Variants in ZC3HAV1 observed in about 807,000 individuals in gnomAD.
ZC3HAV1 encodes zinc finger CCCH-type antiviral protein 1.
ZC3HAV1 carries 41 observed loss-of-function variants against 86.6 expected under a neutral mutation model. That is an observed-to-expected ratio of 0.47 (90% confidence interval 0.37 to 0.61). ZC3HAV1 has a LOEUF of 0.61. Ranked by LOEUF, ZC3HAV1 falls within the 20% of genes least tolerant of loss-of-function variation. The pLI, the probability that ZC3HAV1 is intolerant of heterozygous loss-of-function variation, is 0.00. For missense variants in ZC3HAV1, 964 were observed against 1,141.1 expected, an observed-to-expected ratio of 0.84 and a Z score of 2.24; for synonymous variants, 421 against 432.1, an observed-to-expected ratio of 0.97 and a Z score of 0.32.
At chr7:139,052,882 T>C (rs1194159999) in intron 12 of ZC3HAV1, among the ~76,000 whole-genome samples, 5 of 151,366 alleles carry the variant, frequency 3.3e-5, no homozygotes, top group Non-Finnish European at 7.4e-5. Flanking sequence ...TGAGCCGAGA[T>C]TGTCACCCAA....
At chr7:139,087,674 G>A (rs1237734410) in intron 2 of ZC3HAV1, among the ~76,000 whole-genome samples, 1 of 152,064 alleles carries the variant, frequency 6.6e-6, no homozygotes, top group Non-Finnish European at 1.5e-5. Flanking sequence ...AACACACTGA[G>A]TTCAGAGTCA....
intron 1 of ZC3HAV1, 75 bp from the exon 2 acceptor site, chr7:139,089,834 T>G: frequency 6.7e-7 from 1 of 1,493,778 alleles, no homozygotes; most frequent in Non-Finnish European, 8.9e-7. Flanking sequence ...CATAAAACTT[T>G]CAGTCTGCAA....
rs370576444 is a variant in ZC3HAV1 at position 139,054,016 on chromosome 7, A to G, written c.2267T>C (p.Ile756Thr). ...GTTCTCGATCTTCTTTATCTTTTCA[A>G]TCTTGAAATTTTTCATGGAAGCTTT... ...HFKASMKNFKIEKIKKIENSE... is the reference protein window; with the variant it reads ...HFKASMKNFKTEKIKKIENSE... The change falls in exon 11 of 13, where the codon ATT (isoleucine) becomes ACT (threonine). Residue 756 changes from isoleucine to threonine, a missense_variant. By Grantham distance (89) the Ile-to-Thr change is moderately conservative. Transcript: ENST00000242351. The G allele has an allele frequency of 6.2e-7, 1 of 1,608,662 alleles. No homozygotes were observed.
chr7:139,097,414 A>ATTTTTTTTTT (rs1214039926), intron 1 of ZC3HAV1, among the ~76,000 whole-genome samples: 3 of 75,598 alleles, frequency 4.0e-5, no homozygotes, highest in East Asian at 4.5e-4. Flanking sequence ...ATATATATAT[A>ATTTTTTTTTT]TATATATATA....
chr7:139,102,382 G>A (rs529916918), intron 1 of ZC3HAV1, among the ~76,000 whole-genome samples: 3 of 151,960 alleles, frequency 2.0e-5, no homozygotes, highest in South Asian at 2.1e-4. Flanking sequence ...CTCCCACCTC[G>A]GCCTCTTGAA....
Position 139,109,126 on chromosome 7 carries a change from C to A in ZC3HAV1, c.206G>T (p.Arg69Leu). Residue 69 changes from arginine (R) to leucine (L), a missense_variant, in exon 1 of 13, where the codon CGA becomes CTA. Physicochemically the swap from Arg to Leu is moderately radical, Grantham distance 102. Coordinates refer to ENST00000242351, the MANE Select transcript of ZC3HAV1 (RefSeq NM_020119.4). ...GTACTTGCGACGGCAGACCCGGGCTCGAGTGGTGGCCACCACCGATCGGGT... is the reference window on the plus strand; with the variant it reads ...GTACTTGCGACGGCAGACCCGGGCTAGAGTGGTGGCCACCACCGATCGGGT... ...GITRSVVATT[R>L]ARVCRRKYCQ... 1 of 1,591,224 alleles carries A rather than the reference C, an allele frequency of 6.3e-7. No individual in the cohort carries two copies. The highest frequency in any genetic ancestry group is 8.6e-7 in the Non-Finnish European group (1 of 1,168,862).
intron 1 of ZC3HAV1, among the ~76,000 whole-genome samples, chr7:139,099,595 G>C (rs900784541): frequency 6.6e-6 from 1 of 152,198 alleles, no homozygotes; most frequent in Non-Finnish European, 1.5e-5. Context: ...TGATGAAAAT[G>C]TTCTGGAATT....
At chr7:139,057,006 A>C (rs1816303717) in intron 9 of ZC3HAV1, among the ~76,000 whole-genome samples, 1 of 152,186 alleles carries the variant, frequency 6.6e-6, no homozygotes, top group Non-Finnish European at 1.5e-5. Flanking sequence ...ATATATATAC[A>C]GGGAAATGAT....
chr7:139,064,630 T>C lies in ZC3HAV1; in HGVS notation c.1993+249A>G, dbSNP rs186416541. On this transcript the variant is annotated intron_variant, in intron 8 of 12. Transcript: ENST00000242351. ...AAGACTACTTAGTTTGAGCCCCTGA[T>C]TTTGCAGTTGAGAGAAGTGGGCCTA... Among the ~76,000 whole-genome samples the C allele has an allele frequency of 7.9e-5, 12 of 152,196 alleles. No homozygotes were observed. The East Asian group carries it at 2.1e-3, about 27-fold the overall frequency.
chr7:139,053,108 G>A (rs966486202), intron 12 of ZC3HAV1, among the ~76,000 whole-genome samples: 1 of 152,092 alleles, frequency 6.6e-6, no homozygotes, highest in Non-Finnish European at 1.5e-5. Context: ...ATATAGCTTC[G>A]CAGGCATGGA....
chr7:139,049,141 T>TCA (rs559718504), intron 12 of ZC3HAV1, among the ~76,000 whole-genome samples: 1 of 104,514 alleles, frequency 9.6e-6, no homozygotes, highest in African/African-American at 3.7e-5. Context: ...TTTTTTTTTT[T>TCA]TTCGTTGTTG....
intron 12 of ZC3HAV1, among the ~76,000 whole-genome samples, chr7:139,053,202 A>G (rs1160736613): frequency 1.3e-5 from 2 of 152,218 alleles, no homozygotes; most frequent in African/African-American, 2.4e-5. Flanking sequence ...ACAAGCACGT[A>G]TGAAGACTTT....
At chr7:139,055,110 G>A (rs777751335) in intron 10 of ZC3HAV1, 95 bp downstream of exon 10, 83 of 1,116,706 alleles carry the variant, frequency 7.4e-5, no homozygotes, top group Non-Finnish European at 1.0e-4. Context: ...TTTTGCGGGA[G>A]CAATTCATTC....
At chr7:139,096,941 G>A (rs114940618) in intron 1 of ZC3HAV1, among the ~76,000 whole-genome samples, 1,226 of 122,282 alleles carry the variant, frequency 0.01, 19 homozygotes, top group African/African-American at 0.043. Flanking sequence ...AAGACCAGCC[G>A]GGGCAACATG....
intron 5 of ZC3HAV1, among the ~76,000 whole-genome samples, chr7:139,077,271 A>T (rs1816979882): frequency 6.6e-6 from 1 of 152,000 alleles, no homozygotes; most frequent in Non-Finnish European, 1.5e-5. Flanking sequence ...GCAGAATCTC[A>T]CTCACTCTGT....
At chr7:139,102,275 A>G (rs1007327331) in intron 1 of ZC3HAV1, among the ~76,000 whole-genome samples, 2 of 152,146 alleles carry the variant, frequency 1.3e-5, no homozygotes, top group African/African-American at 2.4e-5. Context: ...CTGGGACCAC[A>G]GGTGTGTGCC....
chr7:139,099,931 ATAAATAAATAAACCTCAAAAAAG>A (rs1352131316), intron 1 of ZC3HAV1, among the ~76,000 whole-genome samples: 1 of 151,946 alleles, frequency 6.6e-6, no homozygotes, highest in African/African-American at 2.4e-5. Context: ...AAATAAATAA[ATAAATAAATAAACCTCAAAAAAG>A]TAAATAAATA....
chr7:139,061,239 A>G, intron 8 of ZC3HAV1, 101 bp from the exon 9 acceptor site: 1 of 1,110,528 alleles, frequency 9.0e-7, no homozygotes. Context: ...CAAATATTCA[A>G]GACTGACCTG....
rs141924548 is a variant in ZC3HAV1 at position 139,047,688 on chromosome 7, G to A, written c.2615C>T (p.Ser872Leu). The A allele has an allele frequency of 3.0e-5, 48 of 1,613,922 alleles. No homozygotes were observed. In the East Asian group the frequency reaches 4.0e-4, roughly 13 times the overall value. ...PQFDSCVDTR[S>L]NPSVFVIFQK... Reference sequence around the variant, plus strand: ...AAAGATGACAAAAACGGAGGGATTCGATCTGGTATCCACACAGCTGTCGAA... The same window carrying A: ...AAAGATGACAAAAACGGAGGGATTCAATCTGGTATCCACACAGCTGTCGAA... The change falls in exon 13 of 13, where the codon TCG (serine) becomes TTG (leucine). Residue 872 changes from serine to leucine, a missense_variant. Ser to Leu is a moderately radical substitution (Grantham distance 145, BLOSUM62 -2). Coordinates refer to ENST00000242351, the MANE Select transcript of ZC3HAV1 (RefSeq NM_020119.4).
Sources: allele counts gnomAD v4.1 joint callset (sites outside exome capture counted in the v4.1 genomes callset), GRCh38; gene constraint gnomAD v4.1.1; transcripts MANE v1.5; gene names NCBI Gene and HGNC (gene_info 2026-07-23, HGNC 2026-07-21).